ARHGAP15: variants seen among roughly 807,000 people sequenced by gnomAD.
ARHGAP15 encodes rho GTPase-activating protein 15.
ARHGAP15 carries 51 observed loss-of-function variants against 63.7 expected under a neutral mutation model. That is an observed-to-expected ratio of 0.80 (90% confidence interval 0.64 to 1.01). ARHGAP15 has a LOEUF of 1.01. ARHGAP15 is among the 50% of genes least tolerant of loss of function. The pLI is 0.00. For missense variants in ARHGAP15, 560 were observed against 564.6 expected, an observed-to-expected ratio of 0.99 and a Z score of 0.08; for synonymous variants, 191 against 193.8, an observed-to-expected ratio of 0.99 and a Z score of 0.12.
At chr2:143,334,850 G>T (rs1421684828) in intron 6 of ARHGAP15, among the ~76,000 whole-genome samples, 1 of 152,168 alleles carries the variant, frequency 6.6e-6, no homozygotes, top group Non-Finnish European at 1.5e-5. Flanking sequence ...CAGCACTATG[G>T]GAGGCCAAGG....
intron 9 of ARHGAP15, among the ~76,000 whole-genome samples, chr2:143,501,456 G>A (rs1693051577): frequency 6.6e-6 from 1 of 152,194 alleles, no homozygotes; most frequent in Non-Finnish European, 1.5e-5. Context: ...GGAAGTGAGA[G>A]CCTGTTTTAG....
At chr2:143,138,201 C>A (rs1221998715) in intron 1 of ARHGAP15, among the ~76,000 whole-genome samples, 3 of 150,798 alleles carry the variant, frequency 2.0e-5, no homozygotes, top group African/African-American at 7.3e-5. Context: ...ATTTTGCATG[C>A]ATAATTGCAT....
At chr2:143,235,279 C>T (rs1162911805) in intron 5 of ARHGAP15, among the ~76,000 whole-genome samples, 5 of 139,632 alleles carry the variant, frequency 3.6e-5, no homozygotes, top group East Asian at 2.3e-4. Flanking sequence ...TTGAAGAAGG[C>T]GAGCTCACAT....
chr2:143,372,021 A>G (rs1686581733), intron 6 of ARHGAP15, among the ~76,000 whole-genome samples: 1 of 145,972 alleles, frequency 6.9e-6, no homozygotes, highest in South Asian at 2.3e-4. Context: ...GAAATAAATA[A>G]ATAAATAAAT....
At chr2:143,507,199 T>TGAG in intron 9 of ARHGAP15, among the ~76,000 whole-genome samples, 1 of 152,176 alleles carries the variant, frequency 6.6e-6, no homozygotes, top group African/African-American at 2.4e-5. Context: ...TATCCCTTTC[T>TGAG]TCTTCATTCT....
chr2:143,144,162 T>C (rs956676153), intron 1 of ARHGAP15, among the ~76,000 whole-genome samples: 10 of 152,032 alleles, frequency 6.6e-5, no homozygotes, highest in African/African-American at 2.4e-4. Context: ...TCCAGTCTAT[T>C]GTTGATGGGC....
At chr2:143,270,963 C>CTGA (rs35467823) in intron 6 of ARHGAP15, among the ~76,000 whole-genome samples, 33,431 of 152,030 alleles carry the variant, frequency 0.22, 3,909 homozygotes, top group South Asian at 0.35. Context: ...GTTCATATCA[C>CTGA]TGATCAAGTT....
At chr2:143,512,154 C>T (rs1297953763) in intron 9 of ARHGAP15, among the ~76,000 whole-genome samples, 2 of 152,210 alleles carry the variant, frequency 1.3e-5, no homozygotes, top group Non-Finnish European at 2.9e-5. Flanking sequence ...CATCACTCAG[C>T]TCTGTTTTCC....
At position 143,532,982 on chromosome 2, in the gene ARHGAP15, G is replaced by T. The variant is rs1234223218; in HGVS notation, c.925+13618G>T. On this transcript the variant is annotated intron_variant, in intron 10 of 13. Coordinates refer to ENST00000295095, the MANE Select transcript of ARHGAP15 (RefSeq NM_018460.4). The stretch of plus-strand genomic sequence containing the variant: ...TGCTCCTGCTTAACTAGAATTATTG[G>T]AGATTGTACAGAACGACTATTTTAT... Among the ~76,000 whole-genome samples, 6 of 152,136 alleles carry T rather than the reference G, an allele frequency of 3.9e-5. No homozygotes were observed. In the South Asian group the frequency reaches 8.3e-4, roughly 21 times the overall value.
chr2:143,584,684 T>C (rs987394466), intron 11 of ARHGAP15, among the ~76,000 whole-genome samples: 5 of 152,064 alleles, frequency 3.3e-5, no homozygotes, highest in African/African-American at 9.7e-5. Flanking sequence ...CAAAAGCCAA[T>C]TGAAGTCAAA....
intron 6 of ARHGAP15, among the ~76,000 whole-genome samples, chr2:143,296,009 A>G (rs10928169): frequency 0.42 from 64,487 of 151,786 alleles, 14,035 homozygotes; most frequent in African/African-American, 0.52. Context: ...TGTTACAGAG[A>G]ACCTAACCAA....
chr2:143,555,559 G>A (rs1251129987), intron 10 of ARHGAP15, among the ~76,000 whole-genome samples: 1 of 151,928 alleles, frequency 6.6e-6, no homozygotes, highest in African/African-American at 2.4e-5. Flanking sequence ...TCCTCGTAAC[G>A]TGGCCAAGAA....
At chr2:143,759,791 T>C (rs1686698980) in intron 13 of ARHGAP15, among the ~76,000 whole-genome samples, 1 of 151,888 alleles carries the variant, frequency 6.6e-6, no homozygotes, top group Non-Finnish European at 1.5e-5. Context: ...CTAATACACG[T>C]AGCACTTCTT....
chr2:143,211,482 A>G (rs1558816532), intron 3 of ARHGAP15, among the ~76,000 whole-genome samples: 4 of 152,146 alleles, frequency 2.6e-5, no homozygotes, highest in Non-Finnish European at 5.9e-5. Context: ...GCAAAGTACT[A>G]TGATCTATTA....
At chr2:143,224,043 G>A (rs1037979720) in intron 4 of ARHGAP15, among the ~76,000 whole-genome samples, 12 of 152,150 alleles carry the variant, frequency 7.9e-5, no homozygotes, top group African/African-American at 2.9e-4. Context: ...CGTGGTAAAT[G>A]TTTAATGGAG....
At chr2:143,761,779 A>C (rs539555054) in intron 13 of ARHGAP15, among the ~76,000 whole-genome samples, 1 of 152,224 alleles carries the variant, frequency 6.6e-6, no homozygotes, top group Non-Finnish European at 1.5e-5. Context: ...AATTATTTCT[A>C]AAATAAACTT....
intron 2 of ARHGAP15, chr2:143,162,479 G>C (rs1690337970): frequency 1.3e-5 from 2 of 151,958 alleles, no homozygotes; most frequent in Admixed American, 1.3e-4. Context: ...CACAGCTTCT[G>C]CAACAGCATG....
intron 12 of ARHGAP15, among the ~76,000 whole-genome samples, chr2:143,665,140 T>G (rs1254853831): frequency 6.6e-6 from 1 of 150,380 alleles, no homozygotes. Flanking sequence ...ACCAATATCC[T>G]TGATGAACAT....
intron 6 of ARHGAP15, among the ~76,000 whole-genome samples, chr2:143,259,996 AT>A (rs1286576378): frequency 6.6e-6 from 1 of 152,224 alleles, no homozygotes; most frequent in African/African-American, 2.4e-5. Flanking sequence ...CTAAGCATGA[AT>A]TTTTTTAAGT....
Sources: gnomAD v4.1 joint callset for allele counts (sites outside exome capture counted in the v4.1 genomes callset) on GRCh38, gnomAD v4.1.1 for gene constraint, MANE v1.5 for transcripts, NCBI Gene and HGNC (gene_info 2026-07-23, HGNC 2026-07-21) for gene names.